The following DOCK4 variants were observed in gnomAD, a reference collection of about 807,000 sequenced individuals.
DOCK4 encodes dedicator of cytokinesis protein 4.
DOCK4 carries 97 observed loss-of-function variants against 268.1 expected under a neutral mutation model. The observed-to-expected ratio is 0.36, with a 90% CI of 0.31 to 0.43. The LOEUF is 0.43. Ranked by LOEUF, DOCK4 falls within the 20% of genes least tolerant of loss-of-function variation. The pLI is 1.00. For missense variants in DOCK4, 2,145 were observed against 2,455.7 expected (o/e 0.87, Z 2.67); for synonymous variants, 954 against 887.2 (o/e 1.08, Z -1.34).
At chr7:111,782,998 G>C in intron 34 of DOCK4, 74 bp from the exon 35 acceptor site, 6 of 884,696 alleles carry the variant, frequency 6.8e-6, no homozygotes, top group African/African-American at 2.0e-5. Flanking sequence ...CTTTTTGGGG[G>C]AAAAAAAGAA....
chr7:112,156,426 T>C (rs1022068449), intron 1 of DOCK4, among the ~76,000 whole-genome samples: 2 of 152,224 alleles, frequency 1.3e-5, no homozygotes, highest in South Asian at 2.1e-4. Flanking sequence ...AAAAACTGTA[T>C]GGAATTGAAG....
At chr7:111,827,403 A>C (rs1225650836) in intron 26 of DOCK4, among the ~76,000 whole-genome samples, 1 of 152,254 alleles carries the variant, frequency 6.6e-6, no homozygotes, top group African/African-American at 2.4e-5. Context: ...TTAATGTTCC[A>C]GGTTCTGTGC....
intron 1 of DOCK4, among the ~76,000 whole-genome samples, chr7:112,026,968 G>T (rs925198112): frequency 2.6e-5 from 4 of 152,226 alleles, no homozygotes; most frequent in African/African-American, 9.6e-5. Context: ...ATCTTCAGCT[G>T]TAAACAGAAA....
intron 1 of DOCK4, among the ~76,000 whole-genome samples, chr7:112,035,014 C>T (rs573365401): frequency 6.6e-6 from 1 of 152,276 alleles, no homozygotes; most frequent in East Asian, 1.9e-4. Flanking sequence ...ACTTTGCATG[C>T]TTCATCTAGG....
chr7:112,107,224 G>A (rs1413492526), intron 1 of DOCK4, among the ~76,000 whole-genome samples: 1 of 152,202 alleles, frequency 6.6e-6, no homozygotes, highest in Non-Finnish European at 1.5e-5. Flanking sequence ...GCTGGCTTGT[G>A]TTCCCACAAA....
At chr7:112,113,184 T>C (rs976478351) in intron 1 of DOCK4, among the ~76,000 whole-genome samples, 2 of 152,182 alleles carry the variant, frequency 1.3e-5, no homozygotes, top group Non-Finnish European at 2.9e-5. Flanking sequence ...TCTAGCAGTT[T>C]AAAAGCCAAA....
At chr7:111,867,711 G>A (rs1289487509) in intron 22 of DOCK4, among the ~76,000 whole-genome samples, 4 of 152,272 alleles carry the variant, frequency 2.6e-5, no homozygotes, top group Middle Eastern at 3.4e-3. Flanking sequence ...ATGTCCAGTC[G>A]TCAGTATGTG....
chr7:112,176,945 A>G (rs1290146328), intron 1 of DOCK4, among the ~76,000 whole-genome samples: 1 of 152,298 alleles, frequency 6.6e-6, no homozygotes, highest in African/African-American at 2.4e-5. Flanking sequence ...GATCTTGGCC[A>G]TGGTGTCCTT....
chr7:111,809,474 T>C (rs1800921211), intron 28 of DOCK4, 73 bp from the exon 29 acceptor site: 1 of 1,341,074 alleles, frequency 7.5e-7, no homozygotes, highest in African/African-American at 1.5e-5. Context: ...CATAGTATTT[T>C]GGATTTGCTT....
chr7:111,730,588 C>T (rs1795014943), intron 52 of DOCK4, among the ~76,000 whole-genome samples: 1 of 152,042 alleles, frequency 6.6e-6, no homozygotes, highest in Admixed American at 6.6e-5. Flanking sequence ...CAGGTCAGCT[C>T]AGTCTTCGCT....
At chr7:111,983,862 G>GCGCACACACACACACA in intron 7 of DOCK4, among the ~76,000 whole-genome samples, 3 of 138,648 alleles carry the variant, frequency 2.2e-5, no homozygotes, top group South Asian at 2.4e-4. Context: ...GCGCGCGCGC[G>GCGCACACACACACACA]CACACACACA....
chr7:112,013,444 C>T (rs912329290), intron 1 of DOCK4, among the ~76,000 whole-genome samples: 1 of 152,166 alleles, frequency 6.6e-6, no homozygotes, highest in Non-Finnish European at 1.5e-5. Context: ...GTGAACAGTT[C>T]AACGGAGAAA....
intron 1 of DOCK4, among the ~76,000 whole-genome samples, chr7:112,037,424 A>C (rs1169453213): frequency 1.3e-5 from 2 of 152,128 alleles, no homozygotes; most frequent in African/African-American, 2.4e-5. Flanking sequence ...TCATCCCAGA[A>C]ACTTCCTTTT....
intron 1 of DOCK4, among the ~76,000 whole-genome samples, chr7:112,062,240 A>C (rs148856807): frequency 2.8e-4 from 42 of 152,274 alleles, no homozygotes; most frequent in African/African-American, 9.1e-4. Context: ...CAACCTCAAT[A>C]TTTTTAAAAA....
Position 111,915,861 on chromosome 7 carries a change from T to C in DOCK4, c.1110A>G (p.Gln370=). Residue 370 remains glutamine (Q), a synonymous_variant, in exon 13 of 53, where the codon CAA becomes CAG. Transcript: ENST00000428084. ...ATACTGATGAATATTCCCTTCTGAT[T>C]TGTTCAATGTCTCCGTGCAATAGCT... The part of the protein sequence containing the change: ...SLQLLHGDIE[Q]IRREYSSVFS... 6.2e-7 allele frequency: 1 copy of C among 1,612,714 alleles called. No homozygotes were observed. The highest frequency in any genetic ancestry group is 8.5e-7 in the Non-Finnish European group (1 of 1,179,356).
chr7:111,800,223 T>TA (rs562610418), intron 30 of DOCK4, among the ~76,000 whole-genome samples: 19,987 of 138,532 alleles, frequency 0.14, 3,040 homozygotes, highest in African/African-American at 0.39. Flanking sequence ...ATACTTGTCC[T>TA]AAAAAAAAAA....
intron 12 of DOCK4, among the ~76,000 whole-genome samples, chr7:111,922,764 G>A (rs1278775290): frequency 6.6e-6 from 1 of 151,848 alleles, no homozygotes; most frequent in African/African-American, 2.4e-5. Flanking sequence ...TATACTTTTA[G>A]TAGAGACGGG....
intron 20 of DOCK4, among the ~76,000 whole-genome samples, chr7:111,870,797 A>C (rs2134230347): frequency 6.6e-6 from 1 of 152,240 alleles, no homozygotes; most frequent in South Asian, 2.1e-4. Context: ...TTGTCTTTTT[A>C]AGATCCTGCT....
intron 1 of DOCK4, among the ~76,000 whole-genome samples, chr7:112,051,725 A>G (rs2135554275): frequency 6.8e-6 from 1 of 147,172 alleles, no homozygotes; most frequent in East Asian, 1.9e-4. Flanking sequence ...TGCTCAAATG[A>G]TATTATATTA....
Sources: gnomAD v4.1 joint callset for allele counts (sites outside exome capture counted in the v4.1 genomes callset) on GRCh38, gnomAD v4.1.1 for gene constraint, MANE v1.5 for transcripts, NCBI Gene and HGNC (gene_info 2026-07-23, HGNC 2026-07-21) for gene names.